TNRC18: variants seen among roughly 807,000 people sequenced by gnomAD.
TNRC18 encodes trinucleotide repeat containing 18, also known as trinucleotide repeat-containing gene 18 protein.
TNRC18 carries 69 observed loss-of-function variants against 226.7 expected under a neutral mutation model. The observed-to-expected ratio is 0.30, with a 90% CI of 0.25 to 0.37. The LOEUF (loss-of-function observed/expected upper bound fraction) is 0.37, where lower values mean the gene tolerates loss of function less well. TNRC18 is among the 10% of genes least tolerant of loss of function. The pLI is 1.00. For synonymous variants in TNRC18, 2,449 were observed against 1,927.6 expected (o/e 1.27, Z -7.09); for missense variants, 4,754 against 4,256.6 (o/e 1.12, Z -3.25).
At chr7:5,340,303 T>G (rs1790558603) in intron 18 of TNRC18, among the ~76,000 whole-genome samples, 1 of 152,192 alleles carries the variant, frequency 6.6e-6, no homozygotes, top group African/African-American at 2.4e-5. Context: ...CAAACCACCC[T>G]CAATATTCCT....
chr7:5,389,176 C>A lies in TNRC18; in HGVS notation c.648G>T (p.Pro216=), dbSNP rs1293403396. 2.3e-6 allele frequency: 3 copies of A among 1,317,086 alleles called. No homozygotes were observed. Among genetic ancestry groups the A allele is most frequent in the African/African-American group, 1.6e-5 (1 of 63,484 alleles). The allele number at this position is 1,317,086 out of a possible 1,614,324, so 81.6% of individuals were successfully genotyped here. A position where few individuals can be genotyped will look rare whatever the true frequency, so the allele number is the denominator to read the frequency against. ...AKERAGRGGE[P]PPLFGKKDPR... Reference sequence around the variant, plus strand: ...GGTCCTTCTTGCCGAAAAGCGGAGGCGGCTCCCCGCCGCGGCCCGCCCGCT... The same window carrying A: ...GGTCCTTCTTGCCGAAAAGCGGAGGAGGCTCCCCGCCGCGGCCCGCCCGCT... The change falls in exon 5 of 30, where the codon CCG becomes CCT. Residue 216 remains proline, a synonymous_variant. Coordinates refer to ENST00000430969, the MANE Select transcript of TNRC18 (RefSeq NM_001080495.3).
intron 5 of TNRC18, among the ~76,000 whole-genome samples, chr7:5,383,144 C>A (rs1182179161): frequency 6.6e-6 from 1 of 152,212 alleles, no homozygotes; most frequent in African/African-American, 2.4e-5. Context: ...CTCAAGCGAT[C>A]TGCCCACCTT....
At chr7:5,420,694 G>T in intron 2 of TNRC18, 1 of 516,354 alleles carries the variant, frequency 1.9e-6, no homozygotes, top group South Asian at 1.5e-5. Flanking sequence ...TCGGGGAGCG[G>T]GTGTCTCGCG....
chr7:5,355,377 C>T (rs1342891778), intron 16 of TNRC18, among the ~76,000 whole-genome samples: 1 of 152,200 alleles, frequency 6.6e-6, no homozygotes, highest in Non-Finnish European at 1.5e-5. Flanking sequence ...CCTGTAATCC[C>T]AGCACTTTGG....
chr7:5,376,319 C>A, intron 8 of TNRC18, 95 bp from the exon 9 acceptor site: 1 of 1,129,340 alleles, frequency 8.9e-7, no homozygotes, highest in East Asian at 2.8e-5. Context: ...GGGGCCACAC[C>A]CACACAGTGG....
At position 5,374,359 on chromosome 7, in the gene TNRC18, G is replaced by A; in HGVS notation, c.2925C>T (p.Pro975=). Residue 975 remains proline (P), a synonymous_variant, in exon 10 of 30, where the codon CCC becomes CCT. Coordinates refer to ENST00000430969, the MANE Select transcript of TNRC18 (RefSeq NM_001080495.3). ...TAGPGLLPRK[P]PGLAAGPAGT... Reference sequence around the variant, plus strand: ...CCGCGGGGCCGGCGGCCAGGCCAGGGGGCTTCCGCGGCAGCAGCCCGGGGC... The same window carrying A: ...CCGCGGGGCCGGCGGCCAGGCCAGGAGGCTTCCGCGGCAGCAGCCCGGGGC... The A allele has an allele frequency of 1.4e-6, 2 of 1,464,448 alleles. No individual in the cohort carries two copies. The highest frequency in any genetic ancestry group is 1.8e-6 in the Non-Finnish European group (2 of 1,113,800). The allele number at this position is 1,464,448 out of a possible 1,614,324, so 90.7% of individuals were successfully genotyped here. A position where few individuals can be genotyped will look rare whatever the true frequency, so the allele number is the denominator to read the frequency against.
rs916275688 is a variant in TNRC18 at position 5,423,753 on chromosome 7, G to C, written c.-556C>G. Among the ~76,000 whole-genome samples, 1 of 149,440 alleles carries C rather than the reference G, an allele frequency of 6.7e-6. No individual in the cohort carries two copies. Among genetic ancestry groups the C allele is most frequent in the African/African-American group, 2.5e-5 (1 of 40,544 alleles). ...AAAATCCAGGTAGCGCCGGTTTAAAGAATCCCAAATCTCCATATACAGCCC... is the reference window on the plus strand; with the variant it reads ...AAAATCCAGGTAGCGCCGGTTTAAACAATCCCAAATCTCCATATACAGCCC... On this transcript the variant is annotated 5_prime_UTR_variant, in exon 1 of 30. Coordinates refer to ENST00000430969, the MANE Select transcript of TNRC18 (RefSeq NM_001080495.3).
intron 5 of TNRC18, among the ~76,000 whole-genome samples, chr7:5,381,172 C>T (rs1300491711): frequency 6.6e-6 from 1 of 152,194 alleles, no homozygotes; most frequent in Non-Finnish European, 1.5e-5. Context: ...CCAGGTTGCT[C>T]CCTGCAAATG....
chr7:5,362,919 GC>G, intron 11 of TNRC18, 94 bp from the exon 12 acceptor site: 1 of 1,284,702 alleles, frequency 7.8e-7, no homozygotes, highest in Non-Finnish European at 1.0e-6. Context: ...CAGGCCCCAG[GC>G]CACACGTGCC....
In TNRC18 at chr7:5,393,247, G is replaced by A. The variant is rs1191000831; in HGVS notation, c.343+1193C>T. ...GCATCTGCCTTGGCTGGTTAAAGTG[G>A]GAGGCTCAGGTGCGACCCCAGCCTA... On this transcript the variant is annotated intron_variant, in intron 3 of 29. Coordinates refer to ENST00000430969, the MANE Select transcript of TNRC18 (RefSeq NM_001080495.3). Among the ~76,000 whole-genome samples, 2 of 152,248 alleles carry A rather than the reference G, an allele frequency of 1.3e-5. 1 individual carries two copies. The highest frequency in any genetic ancestry group is 1.3e-4 in the Admixed American group (2 of 15,288).
chr7:5,322,651 A>T lies in TNRC18; in HGVS notation c.6443-1461T>A, dbSNP rs534453180. On this transcript the variant is annotated intron_variant, in intron 21 of 29. Transcript: ENST00000430969. Reference sequence around the variant, plus strand: ...GGCGGAAATGAATGCCCGGGGGCAAACTTGCCGACGGCGGTCACCTCTCAT... The same window carrying T: ...GGCGGAAATGAATGCCCGGGGGCAATCTTGCCGACGGCGGTCACCTCTCAT... Among the ~76,000 whole-genome samples, 12 of 152,318 alleles carry T rather than the reference A, an allele frequency of 7.9e-5. No homozygotes were observed. In the East Asian group the frequency reaches 2.3e-3, roughly 29 times the overall value.
rs1186814591 is a variant in TNRC18 at position 5,388,640 on chromosome 7, C to T, written c.1184G>A (p.Arg395His). The T allele has an allele frequency of 9.4e-6, 12 of 1,277,452 alleles. No individual in the cohort carries two copies. The East Asian group carries it at 1.1e-4, about 12-fold the overall frequency. 79.1% of individuals were successfully genotyped at this position (1,277,452 alleles called of 1,614,324 possible). The change falls in exon 5 of 30, where the codon CGC (arginine) becomes CAC (histidine). Residue 395 changes from arginine (R) to histidine (H), a missense_variant. Coordinates refer to ENST00000430969, the MANE Select transcript of TNRC18 (RefSeq NM_001080495.3). ...CTCGCGCTCGCGGGCCCGGGCATCGCGCGCCTGGGATGCGATCTGGATGGG... is the reference window on the plus strand; with the variant it reads ...CTCGCGCTCGCGGGCCCGGGCATCGTGCGCCTGGGATGCGATCTGGATGGG... ...PGPIQIASQA[R>H]DARAREREAG...
In TNRC18 at chr7:5,387,424, G is replaced by A. The variant is rs915500154; in HGVS notation, c.2152+248C>T. ...ACTGAAAGTATCACGAAGGTGCGATGCACACAAAGACTGAAAGCAACGTTC... is the reference window on the plus strand; with the variant it reads ...ACTGAAAGTATCACGAAGGTGCGATACACACAAAGACTGAAAGCAACGTTC... On this transcript the variant is annotated intron_variant, in intron 5 of 29. Transcript: ENST00000430969. Among the ~76,000 whole-genome samples, 15 of 152,378 alleles carry A rather than the reference G, an allele frequency of 9.8e-5. No homozygotes were observed. In the South Asian group the frequency reaches 1.7e-3, roughly 17 times the overall value.
chr7:5,312,367 A>C lies in TNRC18; in HGVS notation c.8388+136T>G. On this transcript the variant is annotated intron_variant, in intron 27 of 29. Transcript: ENST00000430969. The surrounding 1 kb of genome is among the most constrained non-coding windows in gnomAD (Gnocchi z 6.3). The stretch of plus-strand genomic sequence containing the variant: ...TCTGAGACTCAGTGTACCCATCCAT[A>C]AAGTGGGACGCCAGCCCTCCACCCT... 1 of 1,310,514 alleles carries C rather than the reference A, an allele frequency of 7.6e-7. No individual in the cohort carries two copies. The highest frequency in any genetic ancestry group is 1.0e-6 in the Non-Finnish European group (1 of 984,644). The allele number at this position is 1,310,514 out of a possible 1,614,324, so 81.2% of individuals were successfully genotyped here. A position where few individuals can be genotyped will look rare whatever the true frequency, so the allele number is the denominator to read the frequency against.
Position 5,309,088 on chromosome 7 carries a change from T to A in TNRC18, c.8625+44A>T. On this transcript the variant is annotated intron_variant, in intron 28 of 29. Transcript: ENST00000430969. The surrounding 1 kb of genome is among the most constrained non-coding windows in gnomAD (Gnocchi z 5.7). ...GAACGCCTCGCCCTCAGGTCTGCCC[T>A]ACACCGCCTAGGACTGGGGGCCGCA... 4 of 1,550,218 alleles carry A rather than the reference T, an allele frequency of 2.6e-6. No individual in the cohort carries two copies. The highest frequency in any genetic ancestry group is 3.5e-6 in the Non-Finnish European group (4 of 1,143,110).
In TNRC18 at chr7:5,388,274, T is replaced by C. The variant is rs533990893; in HGVS notation, c.1550A>G (p.Asn517Ser). 17 of 1,607,620 alleles carry C rather than the reference T, an allele frequency of 1.1e-5. No homozygotes were observed. The highest frequency in any genetic ancestry group is 1.7e-4 in the Middle Eastern group (1 of 6,036). ...EHKWKPFELG[N>S]FAATQMAVLA... is the part of the protein sequence containing the mutation. Reference sequence around the variant, plus strand: ...CACGGCCATCTGCGTGGCGGCGAAGTTGCCCAGCTCGAAGGGTTTCCATTT... The same window carrying C: ...CACGGCCATCTGCGTGGCGGCGAAGCTGCCCAGCTCGAAGGGTTTCCATTT... Residue 517 changes from asparagine (N) to serine (S), a missense_variant, in exon 5 of 30, where the codon AAC (asparagine) becomes AGC (serine). Asn to Ser is a conservative substitution (Grantham distance 46). Transcript: ENST00000430969.
chr7:5,414,946 T>TA (rs1296676192), intron 2 of TNRC18, among the ~76,000 whole-genome samples: 1 of 152,252 alleles, frequency 6.6e-6, no homozygotes, highest in Non-Finnish European at 1.5e-5. Flanking sequence ...CAGTCTCTTT[T>TA]AATCAGGAAC....
rs1438083524 is a variant in TNRC18 at position 5,361,205 on chromosome 7, G to A, written c.4661+389C>T. Among the ~76,000 whole-genome samples the A allele has an allele frequency of 3.9e-5, 6 of 152,306 alleles. No individual in the cohort carries two copies. The East Asian group carries it at 5.8e-4, about 15-fold the overall frequency. On this transcript the variant is annotated intron_variant, in intron 14 of 29. Transcript: ENST00000430969. Reference sequence around the variant, plus strand: ...GGCAAGCCAGCAGGTCCGGCACGGCGGAGACCGAGCGACAGCCGGGTCATA... The same window carrying A: ...GGCAAGCCAGCAGGTCCGGCACGGCAGAGACCGAGCGACAGCCGGGTCATA...
At chr7:5,331,452 T>G (rs1789509475) in intron 19 of TNRC18, among the ~76,000 whole-genome samples, 1 of 152,068 alleles carries the variant, frequency 6.6e-6, no homozygotes, top group African/African-American at 2.4e-5. Context: ...ATTTTCACAT[T>G]TTAACCTCTA....
Sources: gnomAD v4.1 joint callset for allele counts (sites outside exome capture counted in the v4.1 genomes callset) on GRCh38, gnomAD v4.1.1 for gene constraint, Gnocchi (gnomAD v3.1) non-coding constraint, MANE v1.5 for transcripts, NCBI Gene and HGNC (gene_info 2026-07-23, HGNC 2026-07-21) for gene names.